The following PEAR1 variants were observed in gnomAD, a reference collection of about 807,000 sequenced individuals.
PEAR1 encodes platelet endothelial aggregation receptor 1, also known as multiple EGF-like domains protein 12.
Under a neutral mutation model 131.2 loss-of-function variants are expected in PEAR1, and 113 were observed. The ratio of observed to expected loss-of-function variants is 0.86; its 90% CI spans 0.74 to 1.01. The LOEUF (loss-of-function observed/expected upper bound fraction) is 1.01, where lower values mean the gene tolerates loss of function less well. Ranked by LOEUF, PEAR1 falls within the 50% of genes least tolerant of loss-of-function variation. The pLI is 0.00. For synonymous variants in PEAR1, 565 were observed against 523.3 expected (o/e 1.08, Z -1.09); for missense variants, 1,408 against 1,391.1 (o/e 1.01, Z -0.19).
At chr1:156,906,556 CAG>C in intron 5 of PEAR1, 79 bp from the exon 6 acceptor site, 1 of 1,581,210 alleles carries the variant, frequency 6.3e-7, no homozygotes, top group Non-Finnish European at 8.6e-7. Flanking sequence ...GGCTGGGAGA[CAG>C]AGGCTGGGAG....
chr1:156,894,158 C>T (rs1335432394), intron 1 of PEAR1, among the ~76,000 whole-genome samples: 1 of 152,182 alleles, frequency 6.6e-6, no homozygotes, highest in East Asian at 1.9e-4. Flanking sequence ...GGCTCACTGC[C>T]CCCTCCCAGG....
intron 1 of PEAR1, among the ~76,000 whole-genome samples, chr1:156,903,630 G>A (rs1227611122): frequency 6.6e-6 from 1 of 152,218 alleles, no homozygotes; most frequent in Non-Finnish European, 1.5e-5. Context: ...ATCAGGAAGT[G>A]GAGGAGGGAA....
chr1:156,905,741 T>G (rs547515227), intron 4 of PEAR1, among the ~76,000 whole-genome samples: 42 of 152,296 alleles, frequency 2.8e-4, no homozygotes, highest in Non-Finnish European at 5.0e-4. Context: ...TCTGTCTCTC[T>G]GTCACTGTGT....
At chr1:156,913,307 C>T (rs767895212) in intron 19 of PEAR1, 25 bp downstream of exon 19, 1 of 1,598,072 alleles carries the variant, frequency 6.3e-7, no homozygotes, top group East Asian at 2.2e-5. Context: ...AGGGGGTGCA[C>T]TGTGGAGGGA....
chr1:156,913,597 G>A lies in PEAR1; in HGVS notation c.2644+74G>A, dbSNP rs1651526741. 7 of 1,600,532 alleles carry A rather than the reference G, an allele frequency of 4.4e-6. No individual in the cohort carries two copies. In the Admixed American group the frequency reaches 1.0e-4, roughly 23 times the overall value. On this transcript the variant is annotated intron_variant, in intron 20 of 22. Transcript: ENST00000292357. ...CCAGATGCCGCGTCTGAGTGTGTGT[G>A]TCTGGAGACGGGGGCTCTGGGCCCC...
At chr1:156,913,091 A>C (rs1651432929) in intron 18 of PEAR1, 103 bp from the exon 19 acceptor site, 3 of 1,535,758 alleles carry the variant, frequency 2.0e-6, no homozygotes, top group African/African-American at 1.4e-5. Context: ...GGAGGGAGGA[A>C]GGGAGGTCAG....
At chr1:156,909,193 C>T (rs1485438147) in intron 11 of PEAR1, among the ~76,000 whole-genome samples, 157 bp downstream of exon 11, 1 of 152,164 alleles carries the variant, frequency 6.6e-6, no homozygotes, top group Non-Finnish European at 1.5e-5. Flanking sequence ...AGGCTACTTT[C>T]TTCCTGGAAT....
In PEAR1 at chr1:156,913,312, G is replaced by A. The variant is rs753186956; in HGVS notation, c.2511+30G>A. The A allele has an allele frequency of 1.6e-5, 26 of 1,600,386 alleles. No homozygotes were observed. The South Asian group carries it at 2.9e-4, about 18-fold the overall frequency. ...GTGCCGGGGGAGGGGGTGCACTGTG[G>A]AGGGAAGCGCACAGACCAGCTTCTC... On this transcript the variant is annotated intron_variant, in intron 19 of 22. Transcript: ENST00000292357.
Position 156,905,750 on chromosome 1 carries a change from G to A in PEAR1, c.307+326G>A, listed in dbSNP as rs533721856. 1.0e-3 allele frequency among the ~76,000 whole-genome samples: 155 copies of A among 152,162 alleles called. 3 individuals are homozygous for A. The highest frequency in any genetic ancestry group is 0.01 in the Admixed American group (155 of 15,294). On this transcript the variant is annotated intron_variant, in intron 4 of 22. Coordinates refer to ENST00000292357, the MANE Select transcript of PEAR1 (RefSeq NM_001080471.3). Reference sequence around the variant, plus strand: ...GCTGTCTCTGTCTCTCTGTCACTGTGTGTCTCAGGACTTGGTGTCTGGGTC... The same window carrying A: ...GCTGTCTCTGTCTCTCTGTCACTGTATGTCTCAGGACTTGGTGTCTGGGTC...
At chr1:156,909,107 A>T (rs577529770) in intron 11 of PEAR1, 71 bp downstream of exon 11, 1 of 1,596,804 alleles carries the variant, frequency 6.3e-7, no homozygotes, top group Admixed American at 1.7e-5. Flanking sequence ...GTCCAAGAGT[A>T]TGGGTGGGCC....
intron 1 of PEAR1, among the ~76,000 whole-genome samples, chr1:156,901,526 G>A (rs6671171): frequency 0.14 from 21,264 of 152,216 alleles, 1,662 homozygotes; most frequent in East Asian, 0.35. Flanking sequence ...ATGCCACCAC[G>A]CCATAGGCTC....
At position 156,914,821 on chromosome 1, in the gene PEAR1, G is replaced by A. The variant is rs374744691; in HGVS notation, c.*23G>A. On this transcript the variant is annotated 3_prime_UTR_variant, in exon 23 of 23. Transcript: ENST00000292357. The stretch of plus-strand genomic sequence containing the variant: ...TGAGGAGCCAGGATGGTATGGCAGA[G>A]GCCAGCACACCTGGCTGTTGCTGCT... The A allele has an allele frequency of 1.4e-5, 22 of 1,612,276 alleles. No homozygotes were observed. In the African/African-American group the frequency reaches 2.0e-4, roughly 15 times the overall value.
Position 156,907,969 on chromosome 1 carries a change from C to G in PEAR1, c.820C>G (p.Gln274Glu), listed in dbSNP as rs1432348915. The G allele has an allele frequency of 6.3e-7, 1 of 1,581,858 alleles. No homozygotes were observed. Among genetic ancestry groups the G allele is most frequent in the Non-Finnish European group, 8.6e-7 (1 of 1,162,984 alleles). Reference protein sequence around the residue: ...PEGFHGPNCSQECRCHNGGLC... With the variant: ...PEGFHGPNCSEECRCHNGGLC... ...GGGCTTTCACGGACCCAACTGCTCC[C>G]AGGAATGTCGCTGCCACAACGGCGG... Residue 274 changes from glutamine to glutamate, a missense_variant, in exon 8 of 23, where the codon CAG becomes GAG. Transcript: ENST00000292357.
Position 156,912,876 on chromosome 1 carries a change from G to A in PEAR1, c.2316G>A (p.Val772=). 6.2e-7 allele frequency: 1 copy of A among 1,614,246 alleles called. No homozygotes were observed. Among genetic ancestry groups the A allele is most frequent in the African/African-American group, 1.3e-5 (1 of 75,058 alleles). Residue 772 remains valine (V), a synonymous_variant, in exon 18 of 23, where the codon GTG becomes GTA. Transcript: ENST00000292357. ...AVLGSLVVAL[V]ALFIGYRHWQ... ...TGGGGTCCCTTGTGGTAGCCCTGGT[G>A]GCACTGTTCATTGGCTATCGGCACT... is the stretch of plus-strand genomic sequence containing the variant.
intron 1 of PEAR1, among the ~76,000 whole-genome samples, chr1:156,895,143 C>A (rs1031184764): frequency 6.6e-6 from 1 of 152,232 alleles, no homozygotes; most frequent in Admixed American, 6.5e-5. Context: ...CACTTCTCTG[C>A]CTTCCTCTCT....
intron 1 of PEAR1, among the ~76,000 whole-genome samples, chr1:156,896,594 G>A (rs887351468): frequency 1.3e-5 from 2 of 152,244 alleles, no homozygotes; most frequent in African/African-American, 4.8e-5. Flanking sequence ...GGCGTAGCCC[G>A]CTCACTGCTG....
chr1:156,909,245 C>A (rs1033284381), intron 11 of PEAR1, among the ~76,000 whole-genome samples: 13 of 152,178 alleles, frequency 8.5e-5, no homozygotes, highest in African/African-American at 2.9e-4. Context: ...CCTACCTGTC[C>A]TTAAAGGCTG....
chr1:156,914,967 T>C lies in PEAR1; in HGVS notation c.*169T>C, dbSNP rs55739780. On this transcript the variant is annotated 3_prime_UTR_variant, in exon 23 of 23. Transcript: ENST00000292357. Reference sequence around the variant, plus strand: ...GGAGCCTTGTTCCTGGGTTCTACCATGGGAGACGCTGATCAGCAGGATGCC... The same window carrying C: ...GGAGCCTTGTTCCTGGGTTCTACCACGGGAGACGCTGATCAGCAGGATGCC... 9.6e-3 allele frequency: 6,871 copies of C among 715,490 alleles called. 160 individuals are homozygous for C. The highest frequency in any genetic ancestry group is 0.076 in the African/African-American group (4,150 of 54,582). 44.3% of individuals were successfully genotyped at this position (715,490 alleles called of 1,614,324 possible). A position where few individuals can be genotyped will look rare whatever the true frequency, so the allele number is the denominator to read the frequency against.
In PEAR1 at chr1:156,906,712, A is replaced by G. The variant is rs371156855; in HGVS notation, c.476A>G (p.Lys159Arg). Residue 159 changes from lysine (K) to arginine (R), a missense_variant, in exon 6 of 23, where the codon AAG (lysine) becomes AGG (arginine). Lys to Arg is a conservative substitution (Grantham distance 26). Coordinates refer to ENST00000292357, the MANE Select transcript of PEAR1 (RefSeq NM_001080471.3). ...SCGNNSSCDP[K>R]SGVCSCPSGL... ...GGCAACAACAGCTCGTGTGATCCCA[A>G]GAGTGGGGTATGTTCTTGCCCTTCT... 3.3e-5 allele frequency: 54 copies of G among 1,614,206 alleles called. 1 individual carries two copies. In the East Asian group the frequency reaches 1.2e-3, roughly 35 times the overall value.
Sources: allele counts gnomAD v4.1 joint callset (sites outside exome capture counted in the v4.1 genomes callset), GRCh38; gene constraint gnomAD v4.1.1; transcripts MANE v1.5; gene names NCBI Gene and HGNC (gene_info 2026-07-23, HGNC 2026-07-21).